The following LHPP variants were observed in gnomAD, a reference collection of about 807,000 sequenced individuals.
The protein encoded by LHPP is hLHPP.
A neutral mutation model predicts 30.3 loss-of-function variants in LHPP; 24 were observed. The ratio of observed to expected loss-of-function variants is 0.79; its 90% CI spans 0.57 to 1.11. The LOEUF (loss-of-function observed/expected upper bound fraction) is 1.11, where lower values mean the gene tolerates loss of function less well. Among genes scored for constraint, LHPP ranks in the 50% most tolerant of loss-of-function variants. The probability of loss-of-function intolerance (pLI) is 0.00; values close to 1 mark genes in which losing one functional copy is unlikely to be tolerated. For synonymous variants in LHPP, 150 were observed against 157.1 expected, an observed-to-expected ratio of 0.95 and a Z score of 0.34; for missense variants, 356 against 367.2, an observed-to-expected ratio of 0.97 and a Z score of 0.25.
rs118003871 is a variant in LHPP, at chr10:124,573,423, C to T, written c.717-39841C>T. On this transcript the variant is annotated intron_variant, in intron 6 of 6. Transcript: ENST00000368842. ...TAGTCTCCACCTCAAGTGATCCTCC[C>T]GCCTCAGCCTCCCAAGTAGGTGGGA... 3.2e-4 allele frequency among the ~76,000 whole-genome samples: 49 copies of T among 152,266 alleles called. 1 individual carries two copies. The East Asian group carries it at 6.2e-3, about 19-fold the overall frequency.
chr10:124,598,016 C>T (rs12416588), intron 6 of LHPP, among the ~76,000 whole-genome samples: 25,147 of 152,160 alleles, frequency 0.17, 2,271 homozygotes, highest in African/African-American at 0.22. Context: ...GGGCCCTGGA[C>T]CAGGCTGCAA....
intron 6 of LHPP, among the ~76,000 whole-genome samples, chr10:124,567,244 G>A (rs1337285251): frequency 6.6e-6 from 1 of 152,240 alleles, no homozygotes; most frequent in Non-Finnish European, 1.5e-5. Context: ...GGCAGGCCTT[G>A]CCGTGGTCAC....
At position 124,504,255 on chromosome 10, in the gene LHPP, C is replaced by T. The variant is rs372978726; in HGVS notation, c.624+6127C>T. 2.2e-4 allele frequency among the ~76,000 whole-genome samples: 33 copies of T among 151,760 alleles called. No homozygotes were observed. In the East Asian group the frequency reaches 5.6e-3, roughly 26 times the overall value. ...ACCATCTCAAACAGCCCCCTTCCCC[C>T]GACCCAAAACCCAAACAAAAACAAA... is the stretch of plus-strand genomic sequence containing the variant. On this transcript the variant is annotated intron_variant, in intron 5 of 6. Coordinates refer to ENST00000368842, the MANE Select transcript of LHPP (RefSeq NM_022126.4).
intron 6 of LHPP, among the ~76,000 whole-genome samples, chr10:124,563,851 G>T (rs1403575748): frequency 6.6e-6 from 1 of 152,228 alleles, no homozygotes; most frequent in East Asian, 1.9e-4. Context: ...CAAGCATGCC[G>T]CTGGGAGAAA....
chr10:124,489,740 C>G (rs1319956596), intron 3 of LHPP: 1 of 164,872 alleles, frequency 6.1e-6, no homozygotes, highest in Non-Finnish European at 1.3e-5. Context: ...GCATGAGCCA[C>G]CGCCCCCAAC....
chr10:124,520,478 A>T (rs117904266), intron 6 of LHPP, among the ~76,000 whole-genome samples: 165 of 152,290 alleles, frequency 1.1e-3, no homozygotes, highest in Non-Finnish European at 2.1e-3. Context: ...ATCCATATCC[A>T]CCAAGCTCCA....
rs755031183 is a variant in LHPP at position 124,593,314 on chromosome 10, G to A, written c.717-19950G>A. 1.7e-4 allele frequency among the ~76,000 whole-genome samples: 26 copies of A among 150,624 alleles called. No homozygotes were observed. The highest frequency in any genetic ancestry group is 1.6e-4 in the Non-Finnish European group (11 of 67,376). On this transcript the variant is annotated intron_variant, in intron 6 of 6. Transcript: ENST00000368842. This position sits in a 1 kb window ranked among gnomAD's most constrained non-coding sequence, Gnocchi z 4.9. The stretch of plus-strand genomic sequence containing the variant: ...CTGCCCAGAACCAGGCTGCGCTCTC[G>A]GGAGGGAAACAGACTCTTATCCTCT...
At chr10:124,516,905 G>A (rs1008591445) in intron 5 of LHPP, among the ~76,000 whole-genome samples, 1 of 152,130 alleles carries the variant, frequency 6.6e-6, no homozygotes, top group Non-Finnish European at 1.5e-5. Context: ...ATCCCCGCAC[G>A]TCCTTGGGGC....
chr10:124,500,081 A>G (rs747776508), intron 5 of LHPP, among the ~76,000 whole-genome samples: 1 of 152,084 alleles, frequency 6.6e-6, no homozygotes, highest in South Asian at 2.1e-4. Context: ...ACAGAAAAGT[A>G]GAGAGAATGA....
At chr10:124,500,827 G>A (rs117530711) in intron 5 of LHPP, among the ~76,000 whole-genome samples, 4,574 of 152,014 alleles carry the variant, frequency 0.03, 108 homozygotes, top group Non-Finnish European at 0.046. Context: ...ATGCTGCCAC[G>A]GAAAGCCACT....
chr10:124,580,721 C>CTT lies in LHPP; in HGVS notation c.717-32530_717-32529dup, dbSNP rs369288920. 9.5e-4 allele frequency among the ~76,000 whole-genome samples: 72 copies of CTT among 75,730 alleles called. No individual in the cohort carries two copies. The East Asian group carries it at 0.024, about 25-fold the overall frequency. 49.7% of individuals were successfully genotyped at this position (75,730 alleles called of 152,430 possible). A position where few individuals can be genotyped will look rare whatever the true frequency, so the allele number is the denominator to read the frequency against. On this transcript the variant is annotated intron_variant, in intron 6 of 6. Coordinates refer to ENST00000368842, the MANE Select transcript of LHPP (RefSeq NM_022126.4). Reference sequence around the variant, plus strand: ...TTTAGAACATTTTCTTTTTTTTTTTCTTTTTTTTTTTTTTGAGATGGAGTC... The same window carrying CTT: ...TTTAGAACATTTTCTTTTTTTTTTTCTTTTTTTTTTTTTTTTGAGATGGAGTC...
chr10:124,512,783 G>C (rs566263286), intron 5 of LHPP, among the ~76,000 whole-genome samples: 2 of 152,188 alleles, frequency 1.3e-5, no homozygotes, highest in African/African-American at 4.8e-5. Flanking sequence ...AGGAGAGCTG[G>C]GATCTCCACC....
chr10:124,562,301 T>C (rs2075568146), intron 6 of LHPP, among the ~76,000 whole-genome samples: 1 of 121,682 alleles, frequency 8.2e-6, no homozygotes, highest in Non-Finnish European at 1.7e-5. Context: ...GGTGAGACCC[T>C]GTCTCAAACA....
At chr10:124,485,734 G>A (rs932919084) in intron 2 of LHPP, among the ~76,000 whole-genome samples, 7 of 151,946 alleles carry the variant, frequency 4.6e-5, no homozygotes, top group African/African-American at 1.7e-4. Context: ...CCAAGTAGCT[G>A]GGGTTACAGG....
At chr10:124,462,046 G>T in intron 1 of LHPP, 59 bp downstream of exon 1, 1 of 1,186,232 alleles carries the variant, frequency 8.4e-7, no homozygotes, top group South Asian at 4.2e-5. Flanking sequence ...CCCGCTCCCT[G>T]GCTGCCGGCA....
intron 6 of LHPP, among the ~76,000 whole-genome samples, chr10:124,524,851 A>T (rs1286251120): frequency 6.6e-6 from 1 of 152,232 alleles, no homozygotes; most frequent in Non-Finnish European, 1.5e-5. Flanking sequence ...AAATTTTTTT[A>T]AATTGTGGTA....
chr10:124,499,710 T>A lies in LHPP; in HGVS notation c.624+1582T>A, dbSNP rs367933555. Among the ~76,000 whole-genome samples, 122 of 152,002 alleles carry A rather than the reference T, an allele frequency of 8.0e-4. 2 individuals carry two copies. Among genetic ancestry groups the A allele is most frequent in the African/African-American group, 2.9e-3 (118 of 41,286 alleles). ...AGCTGCCCCAGGCTGTCCTGCTGCC[T>A]CCTCAGAAGTGGGCAGCAGAAGCAT... is the stretch of plus-strand genomic sequence containing the variant. On this transcript the variant is annotated intron_variant, in intron 5 of 6. Transcript: ENST00000368842.
chr10:124,466,653 T>C (rs1952559825), intron 1 of LHPP, among the ~76,000 whole-genome samples: 1 of 151,844 alleles, frequency 6.6e-6, no homozygotes, highest in Admixed American at 6.6e-5. Context: ...GATGGGGTTT[T>C]GCCACATTGG....
At chr10:124,499,516 G>A (rs1359778596) in intron 5 of LHPP, among the ~76,000 whole-genome samples, 6 of 151,940 alleles carry the variant, frequency 3.9e-5, no homozygotes, top group South Asian at 2.1e-4. Context: ...TTAGCTGGGC[G>A]AGGTGGTGCA....
Sources: allele counts gnomAD v4.1 joint callset (sites outside exome capture counted in the v4.1 genomes callset), GRCh38; gene constraint gnomAD v4.1.1; non-coding constraint Gnocchi (gnomAD v3.1); transcripts MANE v1.5; gene names NCBI Gene and HGNC (gene_info 2026-07-23, HGNC 2026-07-21).